The following PTK2B variants were observed in gnomAD, a reference collection of about 807,000 sequenced individuals.
PTK2B encodes the protein protein-tyrosine kinase 2-beta.
PTK2B carries 71 observed loss-of-function variants against 142.9 expected under a neutral mutation model. The ratio of observed to expected loss-of-function variants is 0.50; its 90% CI spans 0.41 to 0.61. PTK2B has a LOEUF of 0.61. PTK2B is among the 20% of genes least tolerant of loss of function. The pLI is 0.00. For synonymous variants in PTK2B, 519 were observed against 503.4 expected (o/e 1.03, Z -0.42); for missense variants, 1,105 against 1,320.4 (o/e 0.84, Z 2.53).
chr8:27,368,458 G>T (rs1269370386), intron 1 of PTK2B, among the ~76,000 whole-genome samples: 2 of 152,100 alleles, frequency 1.3e-5, no homozygotes, highest in Non-Finnish European at 2.9e-5. Context: ...TTGCCCACTG[G>T]CTGTGAATCC....
chr8:27,449,663 C>T (rs77640831), intron 24 of PTK2B, among the ~76,000 whole-genome samples: 5,771 of 152,306 alleles, frequency 0.038, 371 homozygotes, highest in African/African-American at 0.13. Flanking sequence ...AATATTCCTC[C>T]TCCATCTGTC....
chr8:27,424,351 G>T (rs1056444470), intron 5 of PTK2B, among the ~76,000 whole-genome samples: 1 of 152,158 alleles, frequency 6.6e-6, no homozygotes, highest in Non-Finnish European at 1.5e-5. Context: ...GGAGGACAGG[G>T]CAAGGCATCC....
intron 1 of PTK2B, among the ~76,000 whole-genome samples, chr8:27,329,243 A>C (rs1419596020): frequency 1.3e-5 from 2 of 152,072 alleles, no homozygotes; most frequent in East Asian, 3.9e-4. Context: ...GCTGTATGCA[A>C]TCTTTCTAGC....
At chr8:27,310,918 T>G (rs1312189396), upstream of PTK2B, 1 of 1,612,696 alleles carries the variant, frequency 6.2e-7, no homozygotes, top group Admixed American at 1.7e-5. Flanking sequence ...GGCTGAGCTG[T>G]CCGCGGTGCA....
intron 3 of PTK2B, among the ~76,000 whole-genome samples, chr8:27,320,461 A>G (rs1481081310): frequency 6.6e-6 from 1 of 152,182 alleles, no homozygotes; most frequent in Non-Finnish European, 1.5e-5. Flanking sequence ...AGATGCCAGT[A>G]GCAAGTCCCG....
rs374953487 is a variant in PTK2B at position 27,363,114 on chromosome 8, T to C, written c.-37-34434T>C. 6.6e-5 allele frequency among the ~76,000 whole-genome samples: 10 copies of C among 152,188 alleles called. No individual in the cohort carries two copies. In the East Asian group the frequency reaches 1.9e-3, roughly 29 times the overall value. On this transcript the variant is annotated intron_variant, in intron 1 of 30. Transcript: ENST00000346049. This position sits in a 1 kb window ranked among gnomAD's most constrained non-coding sequence, Gnocchi z 4.3. Reference sequence around the variant, plus strand: ...ACTGGCCCTGGGCAAATTCCCTCATTGGAGTAGGGACTAGGACAAGGGCCA... The same window carrying C: ...ACTGGCCCTGGGCAAATTCCCTCATCGGAGTAGGGACTAGGACAAGGGCCA...
chr8:27,436,999 G>A (rs183368025), intron 15 of PTK2B, 123 bp from the exon 16 acceptor site: 450 of 830,572 alleles, frequency 5.4e-4, no homozygotes, highest in Non-Finnish European at 7.9e-4. Flanking sequence ...GAAGAAGAGA[G>A]ACATAGGAGA....
chr8:27,355,117 C>G (rs1192593412), intron 1 of PTK2B, among the ~76,000 whole-genome samples: 1 of 152,236 alleles, frequency 6.6e-6, no homozygotes, highest in Non-Finnish European at 1.5e-5. Flanking sequence ...TGTCCGCATC[C>G]TAATCCCAGA....
rs371163910 is a variant in PTK2B at position 27,393,312 on chromosome 8, C to T, written c.-37-4236C>T. ...TGAGCATCCACAGCAGATGTTTCTG[C>T]TGCAAAGGGCTAAAGGGAGAACTGA... On this transcript the variant is annotated intron_variant, in intron 1 of 30. Coordinates refer to ENST00000346049, the MANE Select transcript of PTK2B (RefSeq NM_173176.3). Among the ~76,000 whole-genome samples the T allele has an allele frequency of 2.6e-5, 4 of 152,214 alleles. No individual in the cohort carries two copies. The East Asian group carries it at 7.7e-4, about 29-fold the overall frequency.
intron 5 of PTK2B, among the ~76,000 whole-genome samples, chr8:27,424,144 T>C (rs555117377): frequency 5.5e-4 from 84 of 152,368 alleles, no homozygotes; most frequent in African/African-American, 2.0e-3. Context: ...TACCTTTTTA[T>C]TTATGGATCT....
chr8:27,350,990 AAT>A (rs1161548916), intron 1 of PTK2B, among the ~76,000 whole-genome samples: 36 of 12,090 alleles, frequency 3.0e-3, no homozygotes, highest in South Asian at 7.4e-3. Flanking sequence ...AAAAAAAAAA[AAT>A]ATATATATAT....
At chr8:27,439,498 C>G in intron 20 of PTK2B, 100 bp downstream of exon 20, 1 of 1,279,588 alleles carries the variant, frequency 7.8e-7, no homozygotes, top group South Asian at 1.2e-5. Context: ...GACCTCCACC[C>G]TCCGTTCCCA....
At chr8:27,348,912 T>G (rs988394355) in intron 1 of PTK2B, among the ~76,000 whole-genome samples, 4 of 152,126 alleles carry the variant, frequency 2.6e-5, no homozygotes, top group Admixed American at 2.0e-4. Flanking sequence ...GAGGCTGTTC[T>G]TCTATGCCCT....
intron 1 of PTK2B, among the ~76,000 whole-genome samples, chr8:27,370,741 G>T (rs1012249602): frequency 6.6e-6 from 1 of 152,106 alleles, no homozygotes; most frequent in African/African-American, 2.4e-5. Context: ...TTGCTCCGTG[G>T]TCTCACTTCT....
intron 1 of PTK2B, among the ~76,000 whole-genome samples, chr8:27,354,023 A>G (rs1206243757): frequency 6.6e-6 from 1 of 152,202 alleles, no homozygotes; most frequent in African/African-American, 2.4e-5. Context: ...ACCTCATCCC[A>G]GAACCTCAGA....
intron 1 of PTK2B, among the ~76,000 whole-genome samples, chr8:27,354,835 G>C (rs1256068013): frequency 6.6e-6 from 1 of 152,038 alleles, no homozygotes; most frequent in African/African-American, 2.4e-5. Context: ...TCCTTGTTCT[G>C]TCTCTCCTGG....
At chr8:27,435,042 T>C (rs1810688056) in intron 13 of PTK2B, among the ~76,000 whole-genome samples, 2 of 151,952 alleles carry the variant, frequency 1.3e-5, no homozygotes, top group South Asian at 4.2e-4. Flanking sequence ...GTGTATTGAG[T>C]ACTTAGTACA....
Position 27,420,014 on chromosome 8 carries a change from G to A in PTK2B, c.324G>A (p.Gln108=), listed in dbSNP as rs747067824. ...ATGAGATCCACTGGCTGCACCCACA[G>A]ATGACGGTGGGTGAGGTGCAGGACA... is the stretch of plus-strand genomic sequence containing the variant. ...KSDEIHWLHP[Q]MTVGEVQDKY... Residue 108 remains glutamine, a synonymous_variant, in exon 3 of 31, where the codon CAG becomes CAA. Coordinates refer to ENST00000346049, the MANE Select transcript of PTK2B (RefSeq NM_173176.3). The A allele has an allele frequency of 3.7e-6, 6 of 1,614,210 alleles. No homozygotes were observed. Among genetic ancestry groups the A allele is most frequent in the Non-Finnish European group, 5.1e-6 (6 of 1,180,024 alleles).
intron 1 of PTK2B, among the ~76,000 whole-genome samples, chr8:27,339,055 G>A (rs551424406): frequency 2.0e-5 from 3 of 152,292 alleles, no homozygotes; most frequent in South Asian, 2.1e-4. Flanking sequence ...TACAGTTACA[G>A]ATTAGAAACA....
Sources: gnomAD v4.1 joint callset for allele counts (sites outside exome capture counted in the v4.1 genomes callset) on GRCh38, gnomAD v4.1.1 for gene constraint, Gnocchi (gnomAD v3.1) non-coding constraint, MANE v1.5 for transcripts, NCBI Gene and HGNC (gene_info 2026-07-23, HGNC 2026-07-21) for gene names.